The following WWTR1 variants were observed in gnomAD, a reference collection of about 807,000 sequenced individuals.
WWTR1 encodes the protein WW domain-containing transcription regulator protein 1.
A neutral mutation model predicts 40.1 loss-of-function variants in WWTR1; 13 were observed. That is an observed-to-expected ratio of 0.32 (90% confidence interval 0.21 to 0.52). The LOEUF (loss-of-function observed/expected upper bound fraction) is 0.52. WWTR1 is among the 20% of genes least tolerant of loss of function. WWTR1 has a pLI of 0.97. For synonymous variants in WWTR1, 230 were observed against 210.1 expected (o/e 1.09, Z -0.82); for missense variants, 436 against 523.1 (o/e 0.83, Z 1.63).
intron 4 of WWTR1, among the ~76,000 whole-genome samples, chr3:149,535,382 CAA>C (rs150617075): frequency 1.3e-5 from 2 of 150,614 alleles, no homozygotes; most frequent in African/African-American, 4.9e-5. Flanking sequence ...GCGGGGGGAA[CAA>C]AAAAAAATTA....
rs371817118 is a variant in WWTR1 at position 149,535,782 on chromosome 3, G to A, written c.771+6553C>T. ...AATCCCAGCACTTTGGGAGGCCAGG[G>A]TGGGCAGATCACTTGAGGCCAGGAG... On this transcript the variant is annotated intron_variant, in intron 4 of 6. Transcript: ENST00000360632. Among the ~76,000 whole-genome samples the A allele has an allele frequency of 1.4e-3, 216 of 151,890 alleles. 1 individual carries two copies. The highest frequency in any genetic ancestry group is 4.8e-3 in the African/African-American group (199 of 41,426).
chr3:149,620,571 CACA>C (rs768566351), intron 2 of WWTR1, among the ~76,000 whole-genome samples: 1 of 130,280 alleles, frequency 7.7e-6, no homozygotes, highest in Admixed American at 7.7e-5. Flanking sequence ...CGCTCCCCCC[CACA>C]CACACACACT....
intron 2 of WWTR1, among the ~76,000 whole-genome samples, chr3:149,650,408 C>A (rs1449225365): frequency 1.3e-5 from 2 of 152,162 alleles, no homozygotes; most frequent in Non-Finnish European, 2.9e-5. Flanking sequence ...CCTCACTGAG[C>A]CTCAGTTTAC....
At chr3:149,667,316 G>C (rs182639936) in intron 2 of WWTR1, among the ~76,000 whole-genome samples, 5 of 98,218 alleles carry the variant, frequency 5.1e-5, no homozygotes, top group African/African-American at 1.5e-4. Flanking sequence ...GGAGGCTGAG[G>C]GGGGGTGGAT....
chr3:149,684,764 A>G (rs1029082409), intron 1 of WWTR1, among the ~76,000 whole-genome samples: 1 of 151,974 alleles, frequency 6.6e-6, no homozygotes, highest in African/African-American at 2.4e-5. Context: ...GGGTTTCACC[A>G]TGTTGCTCAG....
At chr3:149,597,748 T>A (rs529868221) in intron 2 of WWTR1, among the ~76,000 whole-genome samples, 2 of 152,234 alleles carry the variant, frequency 1.3e-5, no homozygotes, top group Non-Finnish European at 2.9e-5. Flanking sequence ...CTGGGAAAGA[T>A]GCTTGGAAGA....
chr3:149,531,875 T>C (rs1481701500), intron 4 of WWTR1, among the ~76,000 whole-genome samples: 1 of 152,108 alleles, frequency 6.6e-6, no homozygotes, highest in Non-Finnish European at 1.5e-5. Flanking sequence ...AGTGGGTACT[T>C]GGAAATATAA....
intron 2 of WWTR1, among the ~76,000 whole-genome samples, chr3:149,626,568 AC>A (rs1371594360): frequency 6.6e-6 from 1 of 151,958 alleles, no homozygotes; most frequent in South Asian, 2.1e-4. Context: ...AATAATTTTT[AC>A]TTTACTAAAG....
rs541356730 is a variant in WWTR1 at position 149,551,413 on chromosome 3, T to C, written c.569-8876A>G. Among the ~76,000 whole-genome samples the C allele has an allele frequency of 2.7e-5, 4 of 146,064 alleles. 1 individual carries two copies. Among genetic ancestry groups the C allele is most frequent in the African/African-American group, 1.0e-4 (4 of 38,510 alleles). On this transcript the variant is annotated intron_variant, in intron 3 of 6. Coordinates refer to ENST00000360632, the MANE Select transcript of WWTR1 (RefSeq NM_015472.6). ...AAAGGCATACACTGGGTAATACACT[T>C]GATATGGCATCTGGGAAACTTCCTC...
At chr3:149,653,614 T>C (rs1713026690) in intron 2 of WWTR1, among the ~76,000 whole-genome samples, 1 of 152,186 alleles carries the variant, frequency 6.6e-6, no homozygotes, top group Non-Finnish European at 1.5e-5. Flanking sequence ...AGAAAGTGAT[T>C]ACATCATATA....
At chr3:149,607,791 A>G (rs990425941) in intron 2 of WWTR1, among the ~76,000 whole-genome samples, 5 of 152,220 alleles carry the variant, frequency 3.3e-5, no homozygotes, top group African/African-American at 1.2e-4. Context: ...AAAGTCAACA[A>G]AGACCTGTGT....
At chr3:149,685,392 C>T (rs1286496879) in intron 1 of WWTR1, among the ~76,000 whole-genome samples, 1 of 152,180 alleles carries the variant, frequency 6.6e-6, no homozygotes, top group East Asian at 1.9e-4. Context: ...AAATGACAGA[C>T]CATATGCCAT....
chr3:149,712,590 CT>C, intron 5 of WWTR1, among the ~76,000 whole-genome samples: 1 of 152,132 alleles, frequency 6.6e-6, no homozygotes, highest in Admixed American at 6.5e-5. Flanking sequence ...TAAGTGCGAC[CT>C]GCAAAATTAG....
chr3:149,577,789 A>T (rs1737954654), intron 2 of WWTR1, among the ~76,000 whole-genome samples: 1 of 152,118 alleles, frequency 6.6e-6, no homozygotes, highest in Non-Finnish European at 1.5e-5. Context: ...AAATGTTTTG[A>T]AATTGGTGGG....
intron 1 of WWTR1, among the ~76,000 whole-genome samples, chr3:149,688,249 C>T (rs1559841777): frequency 6.6e-6 from 1 of 152,176 alleles, no homozygotes; most frequent in South Asian, 2.1e-4. Context: ...GGATTCATCA[C>T]CTCTTGACTA....
intron 2 of WWTR1, among the ~76,000 whole-genome samples, chr3:149,605,273 G>T (rs577102266): frequency 6.6e-6 from 1 of 152,266 alleles, no homozygotes; most frequent in South Asian, 2.1e-4. Flanking sequence ...GCATGAGAGT[G>T]GATCAGAGGA....
intron 4 of WWTR1, among the ~76,000 whole-genome samples, chr3:149,536,765 A>G (rs1042843074): frequency 3.2e-4 from 48 of 152,118 alleles, no homozygotes; most frequent in African/African-American, 1.0e-3. Flanking sequence ...TAAAAAAAAA[A>G]AAAAAAAGAA....
At chr3:149,723,167 C>G (rs1715795918) in intron 4 of WWTR1, among the ~76,000 whole-genome samples, 1 of 142,190 alleles carries the variant, frequency 7.0e-6, no homozygotes. Flanking sequence ...TTTTGGTTTG[C>G]TGGTTTTCTT....
chr3:149,582,565 A>C lies in WWTR1; in HGVS notation c.432-9565T>G, dbSNP rs1007602122. Among the ~76,000 whole-genome samples, 8 of 151,848 alleles carry C rather than the reference A, an allele frequency of 5.3e-5. No individual in the cohort carries two copies. The East Asian group carries it at 1.6e-3, about 29-fold the overall frequency. On this transcript the variant is annotated intron_variant, in intron 2 of 6. Transcript: ENST00000360632. ...ACATAGGGAGATCTTATCTCTAAAA[A>C]AAAAAAAATCAAAATATGAGTCGGG...
Sources: allele counts gnomAD v4.1 joint callset (sites outside exome capture counted in the v4.1 genomes callset), GRCh38; gene constraint gnomAD v4.1.1; transcripts MANE v1.5; gene names NCBI Gene and HGNC (gene_info 2026-07-23, HGNC 2026-07-21).